The following NEURL1 variants were observed in gnomAD, a reference collection of about 807,000 sequenced individuals.
The protein encoded by NEURL1 is neuralized E3 ubiquitin protein ligase 1.
A neutral mutation model predicts 41.2 loss-of-function variants in NEURL1; 26 were observed. The ratio of observed to expected loss-of-function variants is 0.63; its 90% CI spans 0.46 to 0.87. NEURL1 has a LOEUF of 0.87. Ranked by LOEUF, NEURL1 falls within the 40% of genes least tolerant of loss-of-function variation. The pLI, the probability that NEURL1 is intolerant of heterozygous loss-of-function variation, is 0.00. For missense variants in NEURL1, 761 were observed against 871.1 expected, an observed-to-expected ratio of 0.87 and a Z score of 1.59; for synonymous variants, 400 against 402.3, an observed-to-expected ratio of 0.99 and a Z score of 0.07.
At chr10:103,555,185 G>C in intron 1 of NEURL1, 1 of 464,850 alleles carries the variant, frequency 2.2e-6, no homozygotes, top group Non-Finnish European at 2.8e-6. Flanking sequence ...GGCTGGCCGC[G>C]GGCGGGCGGC....
intron 1 of NEURL1, among the ~76,000 whole-genome samples, chr10:103,565,969 T>C (rs1386267062): frequency 1.3e-5 from 2 of 152,178 alleles, no homozygotes; most frequent in Non-Finnish European, 2.9e-5. Flanking sequence ...AGCTTTTAAA[T>C]TGAGGTATAA....
At position 103,585,098 on chromosome 10, in the gene NEURL1, C is replaced by T. The variant is rs762027261; in HGVS notation, c.1212C>T (p.Asn404=). ...HSGDILGLVV[N]ADGELHLSHN... ...GCGACATCCTGGGCCTGGTGGTCAA[C>T]GCCGACGGCGAGCTGCACCTCAGCC... Residue 404 remains asparagine, a synonymous_variant, in exon 4 of 6, where the codon AAC becomes AAT. Transcript: ENST00000369780. 2.0e-5 allele frequency: 31 copies of T among 1,589,728 alleles called. No homozygotes were observed. Among genetic ancestry groups the T allele is most frequent in the Non-Finnish European group, 2.3e-5 (27 of 1,175,990 alleles).
chr10:103,506,099 G>T (rs1338706092), intron 1 of NEURL1, among the ~76,000 whole-genome samples: 1 of 152,194 alleles, frequency 6.6e-6, no homozygotes, highest in Non-Finnish European at 1.5e-5. Flanking sequence ...CAGCGGTTGG[G>T]GTAAGGACGG....
intron 1 of NEURL1, among the ~76,000 whole-genome samples, chr10:103,543,473 A>G (rs1398266019): frequency 6.6e-6 from 1 of 152,178 alleles, no homozygotes; most frequent in Non-Finnish European, 1.5e-5. Flanking sequence ...AGCCCGCACC[A>G]TCGGCTCCAG....
rs2035529742 is a variant in NEURL1, at chr10:103,570,982, C to T, written c.196C>T (p.His66Tyr). Reference sequence around the variant, plus strand: ...GCTCCCAGCCACGCCGCTGCTCTTCCACCCGCACACCAAGGGCTCCCAGAT... The same window carrying T: ...GCTCCCAGCCACGCCGCTGCTCTTCTACCCGCACACCAAGGGCTCCCAGAT... ...GGLPATPLLF[H>Y]PHTKGSQILM... Residue 66 changes from histidine to tyrosine, a missense_variant, in exon 2 of 6, where the codon CAC (histidine) becomes TAC (tyrosine). His to Tyr is a moderately conservative substitution (Grantham distance 83). Transcript: ENST00000369780. 6.2e-7 allele frequency: 1 copy of T among 1,614,066 alleles called. No individual in the cohort carries two copies. Among genetic ancestry groups the T allele is most frequent in the Non-Finnish European group, 8.5e-7 (1 of 1,180,016 alleles).
chr10:103,567,227 G>A (rs903668547), intron 1 of NEURL1, among the ~76,000 whole-genome samples: 2 of 151,740 alleles, frequency 1.3e-5, no homozygotes, highest in Admixed American at 6.6e-5. Flanking sequence ...CAAGTGATCC[G>A]CCTGCCTCAG....
intron 1 of NEURL1, among the ~76,000 whole-genome samples, chr10:103,564,384 G>A (rs1375354305): frequency 6.6e-6 from 1 of 152,160 alleles, no homozygotes; most frequent in Non-Finnish European, 1.5e-5. Flanking sequence ...GGCACAACTG[G>A]GGCTCCATCC....
chr10:103,589,551 C>T lies in NEURL1; in HGVS notation c.1377C>T (p.Leu459=). 1.2e-6 allele frequency: 2 copies of T among 1,613,630 alleles called. No homozygotes were observed. Among genetic ancestry groups the T allele is most frequent in the Non-Finnish European group, 1.7e-6 (2 of 1,179,790 alleles). ...TGGCCGAGCGGGGTATCCCATCACT[C>T]CCCTGCTCCCCTGCCTCCACGCCAA... The part of the protein sequence containing the change: ...TILAERGIPS[L]PCSPASTPTS... The change falls in exon 5 of 6, where the codon CTC becomes CTT. Residue 459 remains leucine, a synonymous_variant. Coordinates refer to ENST00000369780, the MANE Select transcript of NEURL1 (RefSeq NM_004210.5).
intron 1 of NEURL1, among the ~76,000 whole-genome samples, chr10:103,546,056 G>A (rs183646919): frequency 4.7e-4 from 72 of 152,346 alleles, no homozygotes; most frequent in Admixed American, 1.8e-3. Context: ...TAGGCCAGGT[G>A]CAGGAGTGTA....
intron 1 of NEURL1, among the ~76,000 whole-genome samples, chr10:103,498,262 C>T (rs937156797): frequency 2.0e-5 from 3 of 152,246 alleles, no homozygotes; most frequent in Admixed American, 1.3e-4. Flanking sequence ...GAGTCTCGCT[C>T]TGTCGCCCAG....
intron 1 of NEURL1, among the ~76,000 whole-genome samples, chr10:103,559,876 G>A (rs151025311): frequency 1.1e-4 from 16 of 151,608 alleles, no homozygotes; most frequent in South Asian, 2.1e-4. Context: ...GTACACATAC[G>A]CACACACATA....
intron 1 of NEURL1, among the ~76,000 whole-genome samples, chr10:103,522,983 T>C (rs1049304924): frequency 1.3e-5 from 2 of 152,188 alleles, no homozygotes; most frequent in Non-Finnish European, 2.9e-5. Context: ...CAGTATTTTT[T>C]AGCCTTTATT....
chr10:103,541,912 T>A (rs558785559), intron 1 of NEURL1, among the ~76,000 whole-genome samples: 11 of 152,200 alleles, frequency 7.2e-5, no homozygotes, highest in Non-Finnish European at 1.5e-4. Context: ...GTTGGTTTCC[T>A]TCTAGACCAG....
intron 1 of NEURL1, among the ~76,000 whole-genome samples, chr10:103,515,706 ACTAGTGTC>A (rs1306323645): frequency 6.6e-6 from 1 of 152,228 alleles, no homozygotes; most frequent in Non-Finnish European, 1.5e-5. Flanking sequence ...TGACGAATGA[ACTAGTGTC>A]CACACAGACC....
At chr10:103,589,452 G>A in intron 4 of NEURL1, 62 bp from the exon 5 acceptor site, 1 of 1,524,234 alleles carries the variant, frequency 6.6e-7, no homozygotes, top group Non-Finnish European at 8.8e-7. Context: ...GAGGGACAGA[G>A]CTTTCTCCAG....
chr10:103,561,371 C>T (rs1026451300), intron 1 of NEURL1, among the ~76,000 whole-genome samples: 4 of 152,022 alleles, frequency 2.6e-5, no homozygotes, highest in Non-Finnish European at 4.4e-5. Flanking sequence ...AAGCAATTCT[C>T]CTGCCTCAGC....
intron 1 of NEURL1, among the ~76,000 whole-genome samples, chr10:103,499,996 G>A (rs2033785484): frequency 6.6e-6 from 1 of 152,156 alleles, no homozygotes; most frequent in Non-Finnish European, 1.5e-5. Context: ...CTCAGCTCTT[G>A]TCTGGGCTCC....
intron 1 of NEURL1, among the ~76,000 whole-genome samples, chr10:103,541,413 A>G (rs1297496981): frequency 6.6e-6 from 1 of 152,116 alleles, no homozygotes. Context: ...GTTTGGTGGG[A>G]GCATATCAGA....
intron 1 of NEURL1, among the ~76,000 whole-genome samples, chr10:103,504,271 G>A (rs184061434): frequency 6.6e-6 from 1 of 152,054 alleles, no homozygotes; most frequent in African/African-American, 2.4e-5. Flanking sequence ...GATTACAGGC[G>A]GGAGCCACTG....
Sources: gnomAD v4.1 joint callset for allele counts (sites outside exome capture counted in the v4.1 genomes callset) on GRCh38, gnomAD v4.1.1 for gene constraint, MANE v1.5 for transcripts, NCBI Gene and HGNC (gene_info 2026-07-23, HGNC 2026-07-21) for gene names.